SNX1: variants seen among roughly 807,000 people sequenced by gnomAD.
SNX1 encodes the protein sorting nexin 1.
A neutral mutation model predicts 71.8 loss-of-function variants in SNX1; 36 were observed. The observed-to-expected ratio is 0.50, with a 90% confidence interval of 0.38 to 0.66. The LOEUF is 0.66. SNX1 is among the 30% of genes least tolerant of loss of function. The pLI, the probability that SNX1 is intolerant of heterozygous loss-of-function variation, is 0.00. For synonymous variants in SNX1, 254 were observed against 240.7 expected, an observed-to-expected ratio of 1.06 and a Z score of -0.51; for missense variants, 612 against 646.7, an observed-to-expected ratio of 0.95 and a Z score of 0.58.
intron 1 of SNX1, among the ~76,000 whole-genome samples, chr15:64,096,708 A>G (rs900973335): frequency 3.3e-5 from 5 of 152,188 alleles, no homozygotes; most frequent in African/African-American, 1.2e-4. Flanking sequence ...GATCTCTAGG[A>G]AAATCAGGCC....
In SNX1 at chr15:64,142,853, C is replaced by T; in HGVS notation, c.*5235C>T. The T allele has an allele frequency of 6.0e-6, 2 of 335,122 alleles. No individual in the cohort carries two copies. Among genetic ancestry groups the T allele is most frequent in the Non-Finnish European group, 1.2e-5 (2 of 168,404 alleles). The allele number at this position is 335,122 out of a possible 1,614,324, so 20.8% of individuals were successfully genotyped here. On this transcript the variant is annotated 3_prime_UTR_variant, in exon 15 of 15. Transcript: ENST00000559844. Reference sequence around the variant, plus strand: ...ACACAAAAATACCAGCAACTGTTAACTCTTCCCAGAAGATTTTCATTCTGA... The same window carrying T: ...ACACAAAAATACCAGCAACTGTTAATTCTTCCCAGAAGATTTTCATTCTGA...
chr15:64,109,816 G>T (rs1451539752), intron 1 of SNX1, among the ~76,000 whole-genome samples: 2 of 152,160 alleles, frequency 1.3e-5, no homozygotes, highest in Admixed American at 6.5e-5. Context: ...GATTACAGAT[G>T]TGAGCAACTG....
intron 2 of SNX1, among the ~76,000 whole-genome samples, chr15:64,115,084 G>T (rs2081115080): frequency 6.6e-6 from 1 of 152,170 alleles, no homozygotes; most frequent in South Asian, 2.1e-4. Context: ...CTATCTTTGG[G>T]ACCTTAACAT....
At position 64,128,561 on chromosome 15, in the gene SNX1, G is replaced by A. The variant is rs2081276278; in HGVS notation, c.807+755G>A. Among the ~76,000 whole-genome samples, 3 of 152,138 alleles carry A rather than the reference G, an allele frequency of 2.0e-5. No individual in the cohort carries two copies. The South Asian group carries it at 6.2e-4, about 31-fold the overall frequency. ...TTTTAAATTTTTCTTTCATTTGTAT[G>A]TAGTATGTGTTACTCCAGTGAAGAA... On this transcript the variant is annotated intron_variant, in intron 8 of 14. Transcript: ENST00000559844.
intron 2 of SNX1, 50 bp from the exon 3 acceptor site, chr15:64,118,067 T>G: frequency 1.3e-6 from 2 of 1,594,166 alleles, no homozygotes; most frequent in Admixed American, 1.8e-5. Flanking sequence ...AAGTTTAGCC[T>G]TCAAAGACTC....
At chr15:64,120,795 A>G (rs2081189640) in intron 4 of SNX1, among the ~76,000 whole-genome samples, 1 of 152,182 alleles carries the variant, frequency 6.6e-6, no homozygotes, top group Admixed American at 6.5e-5. Flanking sequence ...GAGCTGAGGT[A>G]ATACTACTGC....
Position 64,129,957 on chromosome 15 carries a change from T to A in SNX1, c.849T>A (p.Gly283=). The A allele has an allele frequency of 1.2e-6, 2 of 1,614,094 alleles. No individual in the cohort carries two copies. Among genetic ancestry groups the A allele is most frequent in the African/African-American group, 1.3e-5 (1 of 74,996 alleles). ...GTACCCAGACATTGAGTGGTGCTGG[T>A]CTCCTCAAGATGTTCAACAAAGCCA... ...AVGTQTLSGA[G]LLKMFNKATD... is the part of the protein sequence containing the mutation. The change falls in exon 9 of 15, where the codon GGT becomes GGA. Residue 283 remains glycine (G), a synonymous_variant. Transcript: ENST00000559844. The surrounding 1 kb of genome is among the most constrained non-coding windows in gnomAD (Gnocchi z 4.4).
At chr15:64,116,303 C>G (rs1267373695) in intron 2 of SNX1, among the ~76,000 whole-genome samples, 1 of 152,190 alleles carries the variant, frequency 6.6e-6, no homozygotes, top group Non-Finnish European at 1.5e-5. Flanking sequence ...AGGGGTTGGT[C>G]TTGCTGCCTC....
chr15:64,121,109 T>G (rs1236565907), intron 4 of SNX1, among the ~76,000 whole-genome samples: 1 of 152,220 alleles, frequency 6.6e-6, no homozygotes, highest in African/African-American at 2.4e-5. Context: ...TTTAAGCTAG[T>G]TATTCACCGC....
chr15:64,119,560 C>A (rs772029404), intron 4 of SNX1, among the ~76,000 whole-genome samples: 10 of 152,056 alleles, frequency 6.6e-5, no homozygotes, highest in Non-Finnish European at 1.0e-4. Flanking sequence ...CCCATCTATA[C>A]TAAAAATGCA....
intron 13 of SNX1, 126 bp from the exon 14 acceptor site, chr15:64,136,735 A>T: frequency 1.4e-6 from 1 of 698,826 alleles, no homozygotes; most frequent in Non-Finnish European, 2.5e-6. Context: ...GCTGGAAATT[A>T]CAGCTGTTCC....
chr15:64,096,407 A>G (rs918577548), intron 1 of SNX1, among the ~76,000 whole-genome samples: 6 of 152,090 alleles, frequency 3.9e-5, no homozygotes, highest in Non-Finnish European at 5.9e-5. Flanking sequence ...TAGCTCCCTA[A>G]CAGCCGAGAA....
At chr15:64,096,428 C>G (rs2140124789) in intron 1 of SNX1, among the ~76,000 whole-genome samples, 1 of 152,286 alleles carries the variant, frequency 6.6e-6, no homozygotes, top group South Asian at 2.1e-4. Flanking sequence ...CCGCCGACGC[C>G]GTCCTTTGAC....
chr15:64,119,689 C>G (rs2081172007), intron 4 of SNX1, among the ~76,000 whole-genome samples: 1 of 150,926 alleles, frequency 6.6e-6, no homozygotes, highest in Non-Finnish European at 1.5e-5. Context: ...ATGCCACTGC[C>G]CTCCATCCTG....
intron 4 of SNX1, among the ~76,000 whole-genome samples, chr15:64,123,146 G>C (rs570725937): frequency 1.7e-4 from 26 of 152,340 alleles, no homozygotes; most frequent in African/African-American, 6.0e-4. Flanking sequence ...GTTTTGGACA[G>C]ATGTGTGTAA....
intron 1 of SNX1, among the ~76,000 whole-genome samples, chr15:64,098,897 T>C (rs11629723): frequency 0.54 from 81,684 of 151,998 alleles, 27,134 homozygotes; most frequent in East Asian, 0.81. Flanking sequence ...TATTTAGATA[T>C]GATCTAGGAA....
At chr15:64,119,899 C>CT (rs1437550653) in intron 4 of SNX1, among the ~76,000 whole-genome samples, 1 of 152,076 alleles carries the variant, frequency 6.6e-6, no homozygotes, top group East Asian at 1.9e-4. Context: ...GTTTGAAACT[C>CT]TCATTTATAC....
In SNX1 at chr15:64,137,774, G is replaced by T; in HGVS notation, c.*156G>T. On this transcript the variant is annotated 3_prime_UTR_variant, in exon 15 of 15. Coordinates refer to ENST00000559844, the MANE Select transcript of SNX1 (RefSeq NM_003099.5). The stretch of plus-strand genomic sequence containing the variant: ...CCAACTGTCCCCAGTTACTCTAACC[G>T]TTATTTCATTTAGCTTCCATATATA... 6.9e-7 allele frequency: 1 copy of T among 1,448,976 alleles called. No individual in the cohort carries two copies. 89.8% of individuals were successfully genotyped at this position (1,448,976 alleles called of 1,614,324 possible).
In SNX1 at chr15:64,142,894, G is replaced by C. The variant is rs1260661011; in HGVS notation, c.*5276G>C. On this transcript the variant is annotated 3_prime_UTR_variant, in exon 15 of 15. Coordinates refer to ENST00000559844, the MANE Select transcript of SNX1 (RefSeq NM_003099.5). ...TTCATTCTGAATGCTCCTGTAGCTA[G>C]GAACCCTAAAAAGTCTTTGAAGCAA... The C allele has an allele frequency of 3.5e-6, 1 of 288,326 alleles. No individual in the cohort carries two copies. The highest frequency in any genetic ancestry group is 6.9e-6 in the Non-Finnish European group (1 of 144,572). 17.9% of individuals were successfully genotyped at this position (288,326 alleles called of 1,614,324 possible). A position where few individuals can be genotyped will look rare whatever the true frequency, so the allele number is the denominator to read the frequency against.
Sources: gnomAD v4.1 joint callset for allele counts (sites outside exome capture counted in the v4.1 genomes callset) on GRCh38, gnomAD v4.1.1 for gene constraint, Gnocchi (gnomAD v3.1) non-coding constraint, MANE v1.5 for transcripts, NCBI Gene and HGNC (gene_info 2026-07-23, HGNC 2026-07-21) for gene names.